PRKG1: variants seen among roughly 807,000 people sequenced by gnomAD.
The protein encoded by PRKG1 is protein kinase cGMP-dependent 1, also known as cGMP-dependent protein kinase 1.
Under a neutral mutation model 88.1 loss-of-function variants are expected in PRKG1, and 35 were observed. That is an observed-to-expected ratio of 0.40 (90% CI 0.30 to 0.53). The LOEUF is 0.53. PRKG1 is among the 20% of genes least tolerant of loss of function. The pLI, the probability that PRKG1 is intolerant of heterozygous loss-of-function variation, is 0.59. For missense variants in PRKG1, 540 were observed against 839.8 expected, an observed-to-expected ratio of 0.64 and a Z score of 4.41; for synonymous variants, 303 against 292.5, an observed-to-expected ratio of 1.04 and a Z score of -0.37.
intron 5 of PRKG1, among the ~76,000 whole-genome samples, chr10:51,951,662 G>A (rs1009014130): frequency 1.3e-5 from 2 of 148,642 alleles, no homozygotes; most frequent in Non-Finnish European, 3.0e-5. Flanking sequence ...CAGACATTGG[G>A]ATGAGAAGGC....
intron 4 of PRKG1, among the ~76,000 whole-genome samples, chr10:51,831,547 A>G (rs902252755): frequency 1.3e-5 from 2 of 152,258 alleles, no homozygotes; most frequent in South Asian, 2.1e-4. Context: ...TAGAAAGACA[A>G]CCCAGACCTT....
At chr10:51,914,971 T>C (rs953579363) in intron 5 of PRKG1, among the ~76,000 whole-genome samples, 2 of 152,194 alleles carry the variant, frequency 1.3e-5, no homozygotes, top group Non-Finnish European at 2.9e-5. Context: ...CTTAATGATA[T>C]AGTAGGAAGT....
chr10:52,062,298 G>A (rs893516312), intron 6 of PRKG1, among the ~76,000 whole-genome samples: 1 of 152,098 alleles, frequency 6.6e-6, no homozygotes, highest in Admixed American at 6.6e-5. Context: ...AAATTTACTG[G>A]TAATGTATTA....
At chr10:51,830,953 CCTTT>C (rs1307741017) in intron 4 of PRKG1, among the ~76,000 whole-genome samples, 1 of 140,928 alleles carries the variant, frequency 7.1e-6, no homozygotes, top group African/African-American at 3.1e-5. Flanking sequence ...ATCTGTGCTA[CCTTT>C]CTTTTTTTTT....
At chr10:51,252,074 T>C (rs1411541704) in intron 2 of PRKG1, among the ~76,000 whole-genome samples, 1 of 151,812 alleles carries the variant, frequency 6.6e-6, no homozygotes, top group African/African-American at 2.4e-5. Context: ...TGTGTGCACA[T>C]GCATGAGTGT....
intron 3 of PRKG1, among the ~76,000 whole-genome samples, chr10:51,740,942 C>A (rs1300144686): frequency 9.5e-5 from 7 of 74,026 alleles, no homozygotes; most frequent in African/African-American, 1.9e-4. Context: ...AAAAAAAAAG[C>A]ATCAAGAGAT....
intron 3 of PRKG1, among the ~76,000 whole-genome samples, chr10:51,640,387 TA>T (rs113707465): frequency 1.3e-5 from 2 of 152,064 alleles, no homozygotes; most frequent in Non-Finnish European, 2.9e-5. Context: ...CTGATTTTTT[TA>T]AAAAAAATTG....
At chr10:51,646,490 T>C (rs2132305962) in intron 3 of PRKG1, among the ~76,000 whole-genome samples, 1 of 152,204 alleles carries the variant, frequency 6.6e-6, no homozygotes, top group South Asian at 2.1e-4. Flanking sequence ...TATATAATTG[T>C]TTTTAAGGCA....
intron 2 of PRKG1, among the ~76,000 whole-genome samples, chr10:51,370,515 T>TGTGTGTGC (rs1564465269): frequency 6.7e-6 from 1 of 149,602 alleles, no homozygotes; most frequent in African/African-American, 2.5e-5. Flanking sequence ...TGTGTGTATG[T>TGTGTGTGC]GTGTGTGTGT....
chr10:52,280,291 AAC>A (rs1424952875), intron 12 of PRKG1, among the ~76,000 whole-genome samples: 1 of 152,138 alleles, frequency 6.6e-6, no homozygotes, highest in Non-Finnish European at 1.5e-5. Context: ...GTTCTTTGAA[AAC>A]AGTTGCTTTT....
In PRKG1 at chr10:51,156,314, A is replaced by ACACACACACACACACACACACACAC. The variant is rs60689292; in HGVS notation, c.478+2984_478+2985insCACACACACACACACACACACACAC. ...TGATGCAAGCACACACACACACACA[A>ACACACACACACACACACACACACAC]ACACACACACCCGAATGTAACAAAA... On this transcript the variant is annotated intron_variant, in intron 2 of 17. Coordinates refer to ENST00000373980, the MANE Select transcript of PRKG1 (RefSeq NM_006258.4). Among the ~76,000 whole-genome samples, 1,163 of 147,076 alleles carry ACACACACACACACACACACACACAC rather than the reference A, an allele frequency of 7.9e-3. 26 individuals are homozygous for ACACACACACACACACACACACACAC. The highest frequency in any genetic ancestry group is 0.011 in the Middle Eastern group (3 of 280).
chr10:52,153,056 AAG>A (rs769929967), intron 8 of PRKG1, among the ~76,000 whole-genome samples: 9 of 152,194 alleles, frequency 5.9e-5, no homozygotes, highest in Non-Finnish European at 1.0e-4. Flanking sequence ...AGGATTCAGA[AAG>A]AGGCATATAG....
intron 8 of PRKG1, among the ~76,000 whole-genome samples, chr10:52,136,308 T>C (rs4082299): frequency 0.39 from 58,595 of 151,754 alleles, 11,995 homozygotes; most frequent in East Asian, 0.65. Flanking sequence ...AGCACATATA[T>C]ATGTATTTTT....
At chr10:51,507,413 G>A (rs565510258) in intron 3 of PRKG1, among the ~76,000 whole-genome samples, 18 of 150,784 alleles carry the variant, frequency 1.2e-4, no homozygotes, top group East Asian at 1.2e-3. Flanking sequence ...TGAAGAAAAC[G>A]TGTGTGGGAA....
chr10:51,479,308 AC>A (rs1164773342), intron 3 of PRKG1, among the ~76,000 whole-genome samples: 1 of 152,036 alleles, frequency 6.6e-6, no homozygotes, highest in African/African-American at 2.4e-5. Flanking sequence ...ATCACTTATA[AC>A]CCCACTCCCA....
chr10:51,519,593 G>A (rs1336895964), intron 3 of PRKG1, among the ~76,000 whole-genome samples: 3 of 152,038 alleles, frequency 2.0e-5, no homozygotes, highest in Admixed American at 2.0e-4. Context: ...TCCAAGTCGA[G>A]CAATATTTTT....
chr10:51,587,161 T>A (rs532599117), intron 3 of PRKG1, among the ~76,000 whole-genome samples: 2 of 152,248 alleles, frequency 1.3e-5, no homozygotes, highest in East Asian at 3.9e-4. Flanking sequence ...CTCCTTCTAG[T>A]TGGAAGACTT....
Position 51,627,941 on chromosome 10 carries a change from C to CCTTCCTTT in PRKG1, c.592+160108_592+160109insCCTTTCTT, listed in dbSNP as rs1554826884. Among the ~76,000 whole-genome samples the CCTTCCTTT allele has an allele frequency of 8.8e-4, 22 of 25,104 alleles. 1 individual carries two copies. Among genetic ancestry groups the CCTTCCTTT allele is most frequent in the African/African-American group, 1.6e-3 (17 of 10,506 alleles). 16.5% of individuals were successfully genotyped at this position (25,104 alleles called of 152,430 possible). ...CCTTCCCTTCCTTTCTTCCTTCCTTCCTTTCTTTCTTTCTTTCTTTCTTTC... is the reference window on the plus strand; with the variant it reads ...CCTTCCCTTCCTTTCTTCCTTCCTTCCTTCCTTTCTTTCTTTCTTTCTTTCTTTCTTTC... On this transcript the variant is annotated intron_variant, in intron 3 of 17. Coordinates refer to ENST00000373980, the MANE Select transcript of PRKG1 (RefSeq NM_006258.4).
intron 4 of PRKG1, among the ~76,000 whole-genome samples, chr10:51,836,423 A>G (rs1057095834): frequency 3.3e-5 from 5 of 152,132 alleles, no homozygotes; most frequent in African/African-American, 1.2e-4. Context: ...GTTTGTTGCA[A>G]TCCCATTTGT....
Sources: gnomAD v4.1 joint callset for allele counts (sites outside exome capture counted in the v4.1 genomes callset) on GRCh38, gnomAD v4.1.1 for gene constraint, MANE v1.5 for transcripts, NCBI Gene and HGNC (gene_info 2026-07-23, HGNC 2026-07-21) for gene names.